Variants in IL1RAPL2 observed in about 807,000 individuals in gnomAD.
The protein encoded by IL1RAPL2 is interleukin 1 receptor accessory protein like 2, also known as X-linked interleukin-1 receptor accessory protein-like 2.
A neutral mutation model predicts 44.1 loss-of-function variants in IL1RAPL2; 3 were observed. The ratio of observed to expected loss-of-function variants is 0.07; its 90% CI spans 0.03 to 0.18. The LOEUF is 0.18. Among genes scored for constraint, IL1RAPL2 ranks in the 10% least tolerant of loss-of-function variants. The pLI is 1.00. For missense variants in IL1RAPL2, 391 were observed against 496.4 expected (o/e 0.79, Z 2.02); for synonymous variants, 181 against 178.8 (o/e 1.01, Z -0.10).
chrX:105,600,132 A>T (rs760016199), intron 6 of IL1RAPL2, among the ~76,000 whole-genome samples: 1 of 111,230 alleles, frequency 9.0e-6, no homozygotes, highest in South Asian at 3.8e-4. Flanking sequence ...ACTATGCCTT[A>T]TCAATGCCTC....
At chrX:104,921,451 G>A (rs1288567937) in intron 2 of IL1RAPL2, among the ~76,000 whole-genome samples, 1 of 112,228 alleles carries the variant, frequency 8.9e-6, no homozygotes, top group Non-Finnish European at 1.9e-5. Flanking sequence ...CAGGGGAGGG[G>A]CCAACAACAT....
intron 4 of IL1RAPL2, among the ~76,000 whole-genome samples, chrX:105,243,199 A>G (rs2049954142): frequency 9.0e-6 from 1 of 111,253 alleles, no homozygotes; most frequent in South Asian, 3.8e-4. Context: ...ACCTGGTGGA[A>G]GGTGATTGAA....
chrX:105,240,075 A>G (rs781938242), intron 4 of IL1RAPL2, among the ~76,000 whole-genome samples: 8 of 112,473 alleles, frequency 7.1e-5, no homozygotes, highest in African/African-American at 1.3e-4. Flanking sequence ...GTTATAAACT[A>G]TTTTAGCAAT....
chrX:104,698,693 T>C (rs1211114605), intron 2 of IL1RAPL2, among the ~76,000 whole-genome samples: 1 of 112,222 alleles, frequency 8.9e-6, no homozygotes, highest in Non-Finnish European at 1.9e-5. Context: ...GCTTTCATGA[T>C]ATCTGTCTAA....
At chrX:104,964,202 G>GA (rs1307290453) in intron 2 of IL1RAPL2, among the ~76,000 whole-genome samples, 1 of 111,275 alleles carries the variant, frequency 9.0e-6, no homozygotes, top group East Asian at 2.8e-4. Context: ...GTCTTTGCCT[G>GA]AAAAATATGT....
chrX:105,661,001 A>T (rs893772336), intron 6 of IL1RAPL2, among the ~76,000 whole-genome samples: 3 of 110,376 alleles, frequency 2.7e-5, no homozygotes, highest in East Asian at 2.8e-4. Context: ...GGATAGATTT[A>T]AAAAAAAACA....
chrX:105,253,562 T>G (rs1252063796), intron 4 of IL1RAPL2, among the ~76,000 whole-genome samples: 2 of 111,758 alleles, frequency 1.8e-5, no homozygotes, highest in Non-Finnish European at 1.9e-5. Context: ...TCTGTTTTTT[T>G]TTAACTTTTA....
At chrX:105,207,322 C>T (rs1556153280) in intron 3 of IL1RAPL2, among the ~76,000 whole-genome samples, 3 of 111,456 alleles carry the variant, frequency 2.7e-5, no homozygotes, top group Admixed American at 9.6e-5. Context: ...ATCAAACAAG[C>T]ATAACTCCCA....
intron 1 of IL1RAPL2, among the ~76,000 whole-genome samples, chrX:104,584,982 G>A (rs1228310491): frequency 1.9e-5 from 2 of 104,835 alleles, no homozygotes; most frequent in Non-Finnish European, 3.9e-5. Flanking sequence ...TTGTTGTACC[G>A]AATCAAACAA....
In IL1RAPL2 at chrX:105,767,035, A is replaced by G. The variant is rs777863755; in HGVS notation, c.1435A>G (p.Ile479Val). The G allele has an allele frequency of 8.3e-7, 1 of 1,208,370 alleles. No individual in the cohort carries two copies. Among genetic ancestry groups the G allele is most frequent in the South Asian group, 1.8e-5 (1 of 56,897 alleles). ...TATTATCGTGCTAACTCCAGACTAT[A>G]TTCTCAGACGGGGATGGAGTATTTT... ...RLIIVLTPDY[I>V]LRRGWSIFEL... is the part of the protein sequence containing the mutation. Residue 479 changes from isoleucine to valine, a missense_variant, in exon 11 of 11, where the codon ATT (isoleucine) becomes GTT (valine). Ile to Val is a conservative substitution (Grantham distance 29). Coordinates refer to ENST00000372582, the MANE Select transcript of IL1RAPL2 (RefSeq NM_017416.2).
At chrX:105,099,453 CTTTTTTTTT>C (rs36063657) in intron 2 of IL1RAPL2, among the ~76,000 whole-genome samples, 10 of 35,866 alleles carry the variant, frequency 2.8e-4, no homozygotes, top group African/African-American at 8.4e-4. Flanking sequence ...GTGCCACATA[CTTTTTTTTT>C]TTTTTTTTTT....
chrX:105,504,851 C>T (rs933710858), intron 6 of IL1RAPL2, among the ~76,000 whole-genome samples: 4 of 111,574 alleles, frequency 3.6e-5, no homozygotes, highest in African/African-American at 1.3e-4. Flanking sequence ...AACCCATGTC[C>T]TCCTAGCATC....
chrX:105,196,103 G>A (rs1556141015), intron 3 of IL1RAPL2, among the ~76,000 whole-genome samples: 2 of 110,132 alleles, frequency 1.8e-5, no homozygotes, highest in African/African-American at 6.6e-5. Flanking sequence ...CCAATATGGT[G>A]AAACCCTGTC....
intron 2 of IL1RAPL2, among the ~76,000 whole-genome samples, chrX:105,192,793 C>T (rs2033643343): frequency 9.0e-6 from 1 of 111,658 alleles, no homozygotes; most frequent in Non-Finnish European, 1.9e-5. Context: ...ATGGGGATAA[C>T]GTTTAGAAAT....
At chrX:105,634,731 G>T (rs764040479) in intron 6 of IL1RAPL2, among the ~76,000 whole-genome samples, 4 of 111,570 alleles carry the variant, frequency 3.6e-5, no homozygotes, top group Non-Finnish European at 7.5e-5. Flanking sequence ...TCCAAGTGAA[G>T]AAGTTATGTC....
chrX:104,897,029 A>G (rs1486602157), intron 2 of IL1RAPL2, among the ~76,000 whole-genome samples: 2 of 111,909 alleles, frequency 1.8e-5, no homozygotes, highest in East Asian at 5.6e-4. Flanking sequence ...CTCTGGACAC[A>G]CCATCTTTAA....
chrX:104,897,114 A>AC (rs1923675176), intron 2 of IL1RAPL2, among the ~76,000 whole-genome samples: 1 of 112,026 alleles, frequency 8.9e-6, no homozygotes, highest in Admixed American at 9.5e-5. Context: ...ACTGGAAGGA[A>AC]CGAATTCTGG....
chrX:104,914,506 A>C (rs1309124737), intron 2 of IL1RAPL2, among the ~76,000 whole-genome samples: 1 of 112,190 alleles, frequency 8.9e-6, no homozygotes, highest in African/African-American at 3.2e-5. Flanking sequence ...CTGGAAAGAT[A>C]TTCTTCTATT....
chrX:105,468,274 G>T (rs1359866171), intron 5 of IL1RAPL2, among the ~76,000 whole-genome samples: 2 of 111,571 alleles, frequency 1.8e-5, no homozygotes, highest in Non-Finnish European at 3.8e-5. Context: ...AGCCTGAAAG[G>T]GGTGCATATC....
Sources: gnomAD v4.1 joint callset for allele counts (sites outside exome capture counted in the v4.1 genomes callset) on GRCh38, gnomAD v4.1.1 for gene constraint, MANE v1.5 for transcripts, NCBI Gene and HGNC (gene_info 2026-07-23, HGNC 2026-07-21) for gene names.